Variants in LRRC4C observed in about 807,000 individuals in gnomAD.
The protein encoded by LRRC4C is leucine rich repeat containing 4C, also known as leucine-rich repeat-containing protein 4C.
A neutral mutation model predicts 33.6 loss-of-function variants in LRRC4C; 5 were observed. That is an observed-to-expected ratio of 0.15 (90% CI 0.08 to 0.31). The LOEUF (loss-of-function observed/expected upper bound fraction) is 0.31. LRRC4C is among the 10% of genes least tolerant of loss of function. The pLI, the probability that LRRC4C is intolerant of heterozygous loss-of-function variation, is 1.00. For synonymous variants in LRRC4C, 329 were observed against 302.0 expected (o/e 1.09, Z -0.93); for missense variants, 560 against 796.7 (o/e 0.70, Z 3.58).
intron 1 of LRRC4C, among the ~76,000 whole-genome samples, chr11:41,360,112 G>A (rs1015421724): frequency 6.6e-6 from 1 of 152,164 alleles, no homozygotes; most frequent in African/African-American, 2.4e-5. Context: ...GAACCTGGGA[G>A]GCGGAGGTGG....
intron 2 of LRRC4C, among the ~76,000 whole-genome samples, chr11:40,929,700 C>T (rs1302374398): frequency 6.6e-6 from 1 of 152,036 alleles, no homozygotes; most frequent in Admixed American, 6.6e-5. Context: ...CTGCAAGCTC[C>T]GCCTCCCGGG....
At chr11:40,227,817 C>T (rs1157733524) in intron 5 of LRRC4C, among the ~76,000 whole-genome samples, 1 of 152,112 alleles carries the variant, frequency 6.6e-6, no homozygotes, top group Non-Finnish European at 1.5e-5. Flanking sequence ...TTCTTATTAA[C>T]ATAGATTGTT....
intron 3 of LRRC4C, among the ~76,000 whole-genome samples, chr11:40,476,342 C>CTTTCTTTTTTTTT (rs1555074955): frequency 1.2e-5 from 1 of 81,370 alleles, no homozygotes; most frequent in Non-Finnish European, 2.5e-5. Flanking sequence ...TTTTTTTCTT[C>CTTTCTTTTTTTTT]TTTTTTTTTT....
intron 2 of LRRC4C, among the ~76,000 whole-genome samples, chr11:40,874,354 C>T (rs1954785987): frequency 6.6e-6 from 1 of 152,104 alleles, no homozygotes; most frequent in Non-Finnish European, 1.5e-5. Flanking sequence ...CACATCTCAC[C>T]ATTTTTTAGC....
At chr11:40,889,026 A>G (rs1592001544) in intron 2 of LRRC4C, among the ~76,000 whole-genome samples, 1 of 152,162 alleles carries the variant, frequency 6.6e-6, no homozygotes, top group South Asian at 2.1e-4. Context: ...ATTTGGAAAT[A>G]CCTATGAAAA....
chr11:40,696,748 G>GTGTATATATATATATATATATATATATA (rs368234307), intron 2 of LRRC4C, among the ~76,000 whole-genome samples: 2 of 125,886 alleles, frequency 1.6e-5, no homozygotes, highest in African/African-American at 3.1e-5. Context: ...TATACACTGT[G>GTGTATATATATATATATATATATATATA]TATATATATA....
chr11:40,620,033 T>C (rs1249703816), intron 3 of LRRC4C, among the ~76,000 whole-genome samples: 2 of 136,870 alleles, frequency 1.5e-5, no homozygotes, highest in Non-Finnish European at 1.6e-5. Flanking sequence ...TGTGAAAAAT[T>C]GAAGTTTAAA....
At chr11:40,792,737 C>T (rs1950676989) in intron 2 of LRRC4C, among the ~76,000 whole-genome samples, 2 of 151,976 alleles carry the variant, frequency 1.3e-5, no homozygotes, top group South Asian at 4.2e-4. Flanking sequence ...GGAACCAACC[C>T]AAATGTCCAA....
chr11:41,167,945 TGATA>T (rs1944803167), intron 1 of LRRC4C, among the ~76,000 whole-genome samples: 1 of 152,214 alleles, frequency 6.6e-6, no homozygotes, highest in Admixed American at 6.6e-5. Context: ...ATTGACTACC[TGATA>T]AAAATGCAAA....
chr11:40,939,500 C>T (rs1031025887), intron 1 of LRRC4C, among the ~76,000 whole-genome samples: 2 of 152,046 alleles, frequency 1.3e-5, no homozygotes, highest in African/African-American at 4.8e-5. Context: ...TACCTGAATT[C>T]ATTCATTCAT....
intron 2 of LRRC4C, among the ~76,000 whole-genome samples, chr11:40,766,771 C>A (rs1331349885): frequency 5.3e-5 from 8 of 150,502 alleles, no homozygotes; most frequent in African/African-American, 2.0e-4. Flanking sequence ...AATAAAAAAC[C>A]TACAAGAGAT....
chr11:40,340,985 G>A (rs559452342), intron 3 of LRRC4C, among the ~76,000 whole-genome samples: 32 of 152,206 alleles, frequency 2.1e-4, no homozygotes, highest in African/African-American at 7.7e-4. Context: ...TCATGTTTTG[G>A]TCGTGAGTGC....
At chr11:40,405,456 T>C (rs1949926708) in intron 3 of LRRC4C, among the ~76,000 whole-genome samples, 1 of 151,556 alleles carries the variant, frequency 6.6e-6, no homozygotes, top group Non-Finnish European at 1.5e-5. Flanking sequence ...ACAAACATAG[T>C]GAAACCCCGT....
intron 1 of LRRC4C, among the ~76,000 whole-genome samples, chr11:41,321,960 G>A (rs1950971993): frequency 6.6e-6 from 1 of 151,958 alleles, no homozygotes; most frequent in Admixed American, 6.6e-5. Flanking sequence ...CACCTCCCTG[G>A]TTCAAGCGAT....
At chr11:40,637,565 A>C (rs1396865843) in intron 3 of LRRC4C, among the ~76,000 whole-genome samples, 1 of 152,162 alleles carries the variant, frequency 6.6e-6, no homozygotes, top group Non-Finnish European at 1.5e-5. Flanking sequence ...CATTCCTTAG[A>C]GCTCTCTACC....
chr11:40,971,298 C>T (rs931971915), intron 1 of LRRC4C, among the ~76,000 whole-genome samples: 5 of 152,202 alleles, frequency 3.3e-5, no homozygotes, highest in South Asian at 4.1e-4. Flanking sequence ...CCTGCACATC[C>T]TCAGGACCCT....
chr11:41,229,538 T>A (rs1947690584), intron 1 of LRRC4C, among the ~76,000 whole-genome samples: 1 of 152,128 alleles, frequency 6.6e-6, no homozygotes. Flanking sequence ...ATTAGGTTTT[T>A]ATTAATTTCT....
chr11:41,133,476 T>TCCCCCCCCC, intron 1 of LRRC4C, among the ~76,000 whole-genome samples: 1 of 141,926 alleles, frequency 7.0e-6, no homozygotes, highest in South Asian at 2.2e-4. Context: ...AAAATCCTAA[T>TCCCCCCCCC]CCCCCCCCCG....
intron 1 of LRRC4C, among the ~76,000 whole-genome samples, chr11:41,095,469 C>A (rs1311636377): frequency 6.6e-6 from 1 of 152,166 alleles, no homozygotes; most frequent in Non-Finnish European, 1.5e-5. Flanking sequence ...ACATGTAAGT[C>A]TCTTTCACCA....
Sources: gnomAD v4.1 joint callset for allele counts (sites outside exome capture counted in the v4.1 genomes callset) on GRCh38, gnomAD v4.1.1 for gene constraint, MANE v1.5 for transcripts, NCBI Gene and HGNC (gene_info 2026-07-23, HGNC 2026-07-21) for gene names.